Variants in CHD9 observed in about 807,000 individuals in gnomAD.
CHD9 encodes chromodomain helicase DNA binding protein 9.
In CHD9, 77 loss-of-function variants were observed where a neutral mutation model predicts 316.1. The ratio of observed to expected loss-of-function variants is 0.24; its 90% CI spans 0.20 to 0.29. CHD9 has a LOEUF of 0.29. CHD9 is among the 10% of genes least tolerant of loss of function. CHD9 has a pLI of 1.00. For synonymous variants in CHD9, 1,129 were observed against 1,158.3 expected, an observed-to-expected ratio of 0.97 and a Z score of 0.51; for missense variants, 2,763 against 3,438.1, an observed-to-expected ratio of 0.80 and a Z score of 4.91.
intron 17 of CHD9, among the ~76,000 whole-genome samples, chr16:53,251,411 T>G (rs1377404882): frequency 6.6e-6 from 1 of 152,198 alleles, no homozygotes; most frequent in Admixed American, 6.5e-5. Context: ...TCTCACTTGT[T>G]TTTTCCTATT....
chr16:53,221,892 A>T (rs16952093), intron 3 of CHD9, among the ~76,000 whole-genome samples: 47,732 of 151,938 alleles, frequency 0.31, 7,676 homozygotes, highest in Middle Eastern at 0.39. Context: ...CAAGTGGAAT[A>T]TGAATTTAAT....
intron 2 of CHD9, among the ~76,000 whole-genome samples, chr16:53,170,178 T>C (rs1034494743): frequency 3.3e-5 from 5 of 152,098 alleles, no homozygotes; most frequent in African/African-American, 1.2e-4. Flanking sequence ...AGGTATCTTT[T>C]CACCTTTGTA....
intron 2 of CHD9, among the ~76,000 whole-genome samples, chr16:53,198,315 A>AT (rs34946383): frequency 0.03 from 3,738 of 125,186 alleles, 145 homozygotes; most frequent in African/African-American, 0.063. Flanking sequence ...TAAGCATTCA[A>AT]TTTTTTTTTT....
chr16:53,187,928 G>A (rs1443620747), intron 2 of CHD9, among the ~76,000 whole-genome samples: 1 of 152,170 alleles, frequency 6.6e-6, no homozygotes, highest in Non-Finnish European at 1.5e-5. Context: ...AAGAAAAGCA[G>A]AAATGAGTGT....
intron 1 of CHD9, among the ~76,000 whole-genome samples, chr16:53,057,051 A>G (rs2032226683): frequency 2.0e-5 from 3 of 152,134 alleles, no homozygotes; most frequent in South Asian, 4.1e-4. Context: ...TGGCTCATGC[A>G]TATAATCCCA....
chr16:53,287,723 G>A (rs148407661), intron 26 of CHD9, among the ~76,000 whole-genome samples: 28 of 152,184 alleles, frequency 1.8e-4, no homozygotes, highest in African/African-American at 4.3e-4. Context: ...GTGAAACTCC[G>A]TCTCAAAAAA....
intron 3 of CHD9, among the ~76,000 whole-genome samples, chr16:53,211,753 A>G (rs375932400): frequency 6.6e-6 from 1 of 152,218 alleles, no homozygotes; most frequent in East Asian, 1.9e-4. Flanking sequence ...TCAGTCAAAG[A>G]CAAAAATTAT....
chr16:53,216,813 G>A (rs981352252), intron 3 of CHD9, among the ~76,000 whole-genome samples: 8 of 152,106 alleles, frequency 5.3e-5, no homozygotes, highest in East Asian at 1.9e-4. Flanking sequence ...TATTAGAGTC[G>A]TTTTTAGATC....
intron 2 of CHD9, among the ~76,000 whole-genome samples, chr16:53,206,184 C>T (rs2045881872): frequency 6.6e-6 from 1 of 152,022 alleles, no homozygotes; most frequent in Admixed American, 6.6e-5. Context: ...AACTCCCGAC[C>T]TCAGGTGATC....
chr16:53,076,380 G>A (rs781009928), intron 1 of CHD9, among the ~76,000 whole-genome samples: 4 of 152,120 alleles, frequency 2.6e-5, no homozygotes, highest in Non-Finnish European at 5.9e-5. Flanking sequence ...TTCGAGACCA[G>A]CCTGGCCAAC....
At chr16:53,177,353 T>A (rs1415652313) in intron 2 of CHD9, among the ~76,000 whole-genome samples, 1 of 152,162 alleles carries the variant, frequency 6.6e-6, no homozygotes, top group Non-Finnish European at 1.5e-5. Flanking sequence ...AAAGTAGGTA[T>A]TAGGAAAATA....
chr16:53,161,489 C>CT (rs1227918600), intron 2 of CHD9, among the ~76,000 whole-genome samples: 1 of 152,104 alleles, frequency 6.6e-6, no homozygotes, highest in East Asian at 1.9e-4. Context: ...TGTTGGGCTT[C>CT]TTTAACTCTC....
Position 53,274,271 on chromosome 16 carries a change from T to C in CHD9, c.4936T>C (p.Cys1646Arg), listed in dbSNP as rs1469335720. 1.3e-6 allele frequency: 2 copies of C among 1,594,770 alleles called. No homozygotes were observed. Among genetic ancestry groups the C allele is most frequent in the Admixed American group, 1.8e-5 (1 of 55,728 alleles). The change falls in exon 24 of 39, where the codon TGT becomes CGT. Residue 1646 changes from cysteine to arginine, a missense_variant. Coordinates refer to ENST00000447540, the MANE Select transcript of CHD9 (RefSeq NM_001308319.2). Reference protein sequence around the residue: ...YLKQEVIGNECQKVFDGVDAS... With the variant: ...YLKQEVIGNERQKVFDGVDAS... ...AAAGCAAGAAGTTATTGGAAATGAGTGTCAGAAAGTATTTGATGGAGTTGA... is the reference window on the plus strand; with the variant it reads ...AAAGCAAGAAGTTATTGGAAATGAGCGTCAGAAAGTATTTGATGGAGTTGA...
Position 53,286,323 on chromosome 16 carries a change from A to C in CHD9, c.5169A>C (p.Arg1723Ser). Reference sequence around the variant, plus strand: ...AGAAAGCAGTTGCTGCTGAACAGAGAGCGAATGATTATATGGATGGGTATG... The same window carrying C: ...AGAAAGCAGTTGCTGCTGAACAGAGCGCGAATGATTATATGGATGGGTATG... ...PDEKAVAAEQ[R>S]ANDYMDGDVE... is the part of the protein sequence containing the mutation. The change falls in exon 26 of 39, where the codon AGA becomes AGC. Residue 1723 changes from arginine to serine, a missense_variant. Arg to Ser is a moderately radical substitution (Grantham distance 110). Coordinates refer to ENST00000447540, the MANE Select transcript of CHD9 (RefSeq NM_001308319.2). 1 of 1,605,886 alleles carries C rather than the reference A, an allele frequency of 6.2e-7. No individual in the cohort carries two copies. The highest frequency in any genetic ancestry group is 8.5e-7 in the Non-Finnish European group (1 of 1,172,650).
chr16:53,064,846 G>T (rs535458980), intron 1 of CHD9, among the ~76,000 whole-genome samples: 4 of 152,318 alleles, frequency 2.6e-5, no homozygotes, highest in African/African-American at 9.6e-5. Context: ...GCACATGCCT[G>T]TAATCACAGC....
intron 2 of CHD9, among the ~76,000 whole-genome samples, chr16:53,158,346 T>A (rs1267235728): frequency 6.6e-6 from 1 of 152,136 alleles, no homozygotes; most frequent in African/African-American, 2.4e-5. Flanking sequence ...CTAAAAAGAT[T>A]TTGAACACTA....
intron 1 of CHD9, among the ~76,000 whole-genome samples, chr16:53,151,517 G>C (rs900599800): frequency 1.3e-5 from 2 of 151,798 alleles, no homozygotes; most frequent in African/African-American, 4.8e-5. Context: ...TAGACTCCCA[G>C]AGTGCTGGGA....
At chr16:53,106,164 G>A (rs1412723053) in intron 1 of CHD9, among the ~76,000 whole-genome samples, 3 of 152,136 alleles carry the variant, frequency 2.0e-5, no homozygotes, top group African/African-American at 7.2e-5. Context: ...AAAGTGGCCT[G>A]TTTCTCATTA....
intron 1 of CHD9, among the ~76,000 whole-genome samples, chr16:53,101,580 G>A (rs2036891100): frequency 6.6e-6 from 1 of 152,034 alleles, no homozygotes; most frequent in South Asian, 2.1e-4. Flanking sequence ...TTAGATAAAT[G>A]GAAGGAAAGA....
Sources: allele counts gnomAD v4.1 joint callset (sites outside exome capture counted in the v4.1 genomes callset), GRCh38; gene constraint gnomAD v4.1.1; transcripts MANE v1.5; gene names NCBI Gene and HGNC (gene_info 2026-07-23, HGNC 2026-07-21).